MAN2B2: variants seen among roughly 807,000 people sequenced by gnomAD.
MAN2B2 encodes the protein mannosidase alpha class 2B member 2.
Under a neutral mutation model 117.1 loss-of-function variants are expected in MAN2B2, and 106 were observed. That is an observed-to-expected ratio of 0.90 (90% CI 0.77 to 1.06). The LOEUF (loss-of-function observed/expected upper bound fraction) is 1.06. MAN2B2 is among the 50% of genes least tolerant of loss of function. The pLI is 0.00. For missense variants in MAN2B2, 1,326 were observed against 1,381.4 expected (o/e 0.96, Z 0.64); for synonymous variants, 544 against 595.1 (o/e 0.91, Z 1.25).
intron 4 of MAN2B2, 27 bp from the exon 5 acceptor site, chr4:6,589,018 A>G: frequency 2.5e-6 from 4 of 1,575,832 alleles, no homozygotes; most frequent in Non-Finnish European, 3.5e-6. Context: ...TGGCCCCTCC[A>G]GCCTCATTCT....
chr4:6,586,852 A>G (rs1027113712), intron 3 of MAN2B2, 144 bp from the exon 4 acceptor site: 42 of 643,114 alleles, frequency 6.5e-5, no homozygotes, highest in Non-Finnish European at 1.0e-4. Context: ...TAACACCCTC[A>G]CCTCTGCAGT....
chr4:6,579,105 CCACCATCA>C (rs1726220404), intron 3 of MAN2B2, among the ~76,000 whole-genome samples: 1 of 67,092 alleles, frequency 1.5e-5, no homozygotes, highest in Non-Finnish European at 3.1e-5. Context: ...ACCAGCACCA[CCACCATCA>C]CCATCACCAC....
chr4:6,611,363 T>C, intron 15 of MAN2B2, 85 bp downstream of exon 15: 1 of 1,389,914 alleles, frequency 7.2e-7, no homozygotes, highest in Non-Finnish European at 9.7e-7. Context: ...GCCTGTGCCC[T>C]CATGACTCTG....
At chr4:6,620,727 A>C in intron 18 of MAN2B2, 1 of 163,894 alleles carries the variant, frequency 6.1e-6, no homozygotes, top group Non-Finnish European at 1.3e-5. Context: ...GAAGGAAGGA[A>C]GATGGATGAG....
intron 15 of MAN2B2, among the ~76,000 whole-genome samples, chr4:6,612,810 G>A (rs999747286): frequency 3.9e-5 from 6 of 152,240 alleles, no homozygotes; most frequent in Admixed American, 1.3e-4. Context: ...TGCAAGTAAC[G>A]GAAACCCAAC....
chr4:6,576,765 G>T, intron 2 of MAN2B2, 41 bp downstream of exon 2: 2 of 1,605,404 alleles, frequency 1.2e-6, no homozygotes, highest in Non-Finnish European at 1.7e-6. Flanking sequence ...CCAGTATCCT[G>T]GCAAAGACCC....
chr4:6,605,062 A>G lies in MAN2B2; in HGVS notation c.1547A>G (p.Asn516Ser). ...AGHPVPSQIQ[N>S]STETPSAYDL... The stretch of plus-strand genomic sequence containing the variant: ...ATCCTGCTGGCCTTGCAGATCCAGA[A>G]CTCAACAGAGACCCCATCTGCGTAT... The change falls in exon 11 of 19, where the codon AAC becomes AGC. Residue 516 changes from asparagine (N) to serine (S), a missense_variant. Coordinates refer to ENST00000285599, the MANE Select transcript of MAN2B2 (RefSeq NM_015274.3). 6.2e-7 allele frequency: 1 copy of G among 1,611,934 alleles called. No individual in the cohort carries two copies. Among genetic ancestry groups the G allele is most frequent in the Non-Finnish European group, 8.5e-7 (1 of 1,178,264 alleles).
chr4:6,593,085 C>T (rs1309041126), intron 5 of MAN2B2, 88 bp from the exon 6 acceptor site: 2 of 1,316,726 alleles, frequency 1.5e-6, no homozygotes, highest in African/African-American at 2.9e-5. Context: ...GCCAAGGTCC[C>T]AAGGCTGGGA....
chr4:6,593,595 T>C (rs1726946723), intron 6 of MAN2B2, among the ~76,000 whole-genome samples: 1 of 152,216 alleles, frequency 6.6e-6, no homozygotes, highest in South Asian at 2.1e-4. Flanking sequence ...CTTCCCTGCC[T>C]GGGCCGGGCT....
intron 1 of MAN2B2, 99 bp downstream of exon 1, chr4:6,575,447 C>G (rs1035269768): frequency 1.1e-6 from 1 of 927,212 alleles, no homozygotes; most frequent in East Asian, 3.1e-5. Flanking sequence ...GATGCCGGCG[C>G]AGAAGGAGGC....
At chr4:6,619,370 A>G (rs6816478) in intron 17 of MAN2B2, 150,644 of 152,272 alleles carry the variant, frequency 0.99, 74,537 homozygotes, top group East Asian at 1. Flanking sequence ...AAGGCAGGGT[A>G]GGGCTCAGCA....
chr4:6,602,186 G>A (rs1727361178), intron 10 of MAN2B2, among the ~76,000 whole-genome samples: 1 of 152,232 alleles, frequency 6.6e-6, no homozygotes, highest in African/African-American at 2.4e-5. Flanking sequence ...CTTGCACTGT[G>A]CCCAGCACTA....
At chr4:6,615,371 G>A (rs1711813398) in intron 16 of MAN2B2, among the ~76,000 whole-genome samples, 1 of 152,164 alleles carries the variant, frequency 6.6e-6, no homozygotes, top group Admixed American at 6.5e-5. Flanking sequence ...CCCTGACTTT[G>A]GAGCTGGAAC....
chr4:6,588,996 G>A, intron 4 of MAN2B2, 49 bp from the exon 5 acceptor site: 1 of 1,417,480 alleles, frequency 7.1e-7, no homozygotes, highest in Non-Finnish European at 1.0e-6. Flanking sequence ...AAGTGGAGCT[G>A]GGGCAGCCAT....
chr4:6,586,020 C>T lies in MAN2B2; in HGVS notation c.392-976C>T, dbSNP rs114864150. On this transcript the variant is annotated intron_variant, in intron 3 of 18. Coordinates refer to ENST00000285599, the MANE Select transcript of MAN2B2 (RefSeq NM_015274.3). Reference sequence around the variant, plus strand: ...GGCCCTAAGCCTCACCTGTTGAAGACGCAGCAATAATTTATGGACATCTTT... The same window carrying T: ...GGCCCTAAGCCTCACCTGTTGAAGATGCAGCAATAATTTATGGACATCTTT... 9.7e-3 allele frequency among the ~76,000 whole-genome samples: 1,473 copies of T among 151,922 alleles called. 20 individuals carry two copies. The highest frequency in any genetic ancestry group is 0.03 in the African/African-American group (1,247 of 41,370).
At chr4:6,619,815 G>A in intron 17 of MAN2B2, 112 bp from the exon 18 acceptor site, 1 of 855,708 alleles carries the variant, frequency 1.2e-6, no homozygotes, top group Non-Finnish European at 1.9e-6. Flanking sequence ...GGGAGGACCT[G>A]GGCTCCTGAG....
At chr4:6,591,753 TG>T (rs1372928176) in intron 5 of MAN2B2, among the ~76,000 whole-genome samples, 1 of 152,020 alleles carries the variant, frequency 6.6e-6, no homozygotes, top group Non-Finnish European at 1.5e-5. Flanking sequence ...GAAGACTCAG[TG>T]GGGACCAGGA....
intron 17 of MAN2B2, 24 bp from the exon 18 acceptor site, chr4:6,619,903 C>G (rs1560104601): frequency 1.9e-6 from 3 of 1,601,214 alleles, no homozygotes; most frequent in Non-Finnish European, 1.7e-6. Context: ...GCAGCTCACT[C>G]TCCCTCTGCT....
chr4:6,620,849 T>A (rs1187603168), intron 18 of MAN2B2: 1 of 245,474 alleles, frequency 4.1e-6, no homozygotes, highest in Non-Finnish European at 7.8e-6. Context: ...CAGAAAGCTC[T>A]TGGGCTTTGA....
Sources: gnomAD v4.1 joint callset for allele counts (sites outside exome capture counted in the v4.1 genomes callset) on GRCh38, gnomAD v4.1.1 for gene constraint, MANE v1.5 for transcripts, NCBI Gene and HGNC (gene_info 2026-07-23, HGNC 2026-07-21) for gene names.